The following NGFR variants were observed in gnomAD, a reference collection of about 807,000 sequenced individuals.
NGFR encodes the protein tumor necrosis factor receptor superfamily member 16.
In NGFR, 30 loss-of-function variants were observed where a neutral mutation model predicts 43.2. The ratio of observed to expected loss-of-function variants is 0.69; its 90% CI spans 0.52 to 0.94. NGFR has a LOEUF of 0.94. NGFR is among the 40% of genes least tolerant of loss of function. NGFR has a pLI of 0.00. For synonymous variants in NGFR, 246 were observed against 259.6 expected (o/e 0.95, Z 0.50); for missense variants, 529 against 602.5 (o/e 0.88, Z 1.28).
At chr17:49,510,236 C>A (rs2071222419) in intron 3 of NGFR, among the ~76,000 whole-genome samples, 176 bp from the exon 4 acceptor site, 1 of 152,228 alleles carries the variant, frequency 6.6e-6, no homozygotes, top group African/African-American at 2.4e-5. Flanking sequence ...TGTGGGCCCA[C>A]AGGCCTTGCT....
chr17:49,508,746 C>T (rs1409549780), intron 3 of NGFR, among the ~76,000 whole-genome samples: 1 of 152,164 alleles, frequency 6.6e-6, no homozygotes, highest in Non-Finnish European at 1.5e-5. Context: ...ATCTGGATCT[C>T]ATCCCCCCGC....
chr17:49,502,005 C>CCCCCA, intron 1 of NGFR, 58 bp from the exon 2 acceptor site: 1 of 457,876 alleles, frequency 2.2e-6, no homozygotes, highest in South Asian at 3.4e-5. Flanking sequence ...GAAGAACCCC[C>CCCCCA]CCCAACCCAC....
In NGFR at chr17:49,506,384, G is replaced by A. The variant is rs17854609; in HGVS notation, c.294G>A (p.Pro98=). ...ECVGLQSMSA[P]CVEADDAVCR... ...TGGGGCTCCAGAGCATGTCGGCGCCGTGCGTGGAGGCCGACGACGCCGTGT... is the reference window on the plus strand; with the variant it reads ...TGGGGCTCCAGAGCATGTCGGCGCCATGCGTGGAGGCCGACGACGCCGTGT... Residue 98 remains proline (P), a synonymous_variant, in exon 3 of 6, where the codon CCG becomes CCA. Coordinates refer to ENST00000172229, the MANE Select transcript of NGFR (RefSeq NM_002507.4). The A allele has an allele frequency of 1.2e-6, 2 of 1,601,994 alleles. No homozygotes were observed. Among genetic ancestry groups the A allele is most frequent in the Non-Finnish European group, 1.7e-6 (2 of 1,177,348 alleles).
Position 49,512,799 on chromosome 17 carries a change from C to G in NGFR, c.1074C>G (p.Thr358=), listed in dbSNP as rs2071242657. Residue 358 remains threonine (T), a synonymous_variant, in exon 6 of 6, where the codon ACC becomes ACG. Transcript: ENST00000172229. The surrounding 1 kb of genome is among the most constrained non-coding windows in gnomAD (Gnocchi z 5.2). ...EKLLNGSAGD[T]WRHLAGELGY... ...TTCTCAACGGCTCTGCGGGGGACACCTGGCGGCACCTGGCGGGCGAGCTGG... is the reference window on the plus strand; with the variant it reads ...TTCTCAACGGCTCTGCGGGGGACACGTGGCGGCACCTGGCGGGCGAGCTGG... 6.2e-7 allele frequency: 1 copy of G among 1,613,288 alleles called. No homozygotes were observed. The highest frequency in any genetic ancestry group is 8.5e-7 in the Non-Finnish European group (1 of 1,179,982).
At chr17:49,501,999 A>AGGGCCCCCCCCCCCCCCCCCCCCCCACC in intron 1 of NGFR, 64 bp from the exon 2 acceptor site, 1 of 330,984 alleles carries the variant, frequency 3.0e-6, no homozygotes, top group Non-Finnish European at 5.9e-6. Context: ...TCCCCGGAAG[A>AGGGCCCCCCCCCCCCCCCCCCCCCCACC]ACCCCCCCCA....
chr17:49,495,591 C>A lies in NGFR; in HGVS notation c.66+108C>A. ...GAACAGAGCATTGGGGTCCCAGATA[C>A]TGAGGGTGGGTGGTGGGAAAGGACC... On this transcript the variant is annotated intron_variant, in intron 1 of 5. Transcript: ENST00000172229. The surrounding 1 kb of genome is among the most constrained non-coding windows in gnomAD (Gnocchi z 6.4). The A allele has an allele frequency of 1.0e-6, 1 of 960,748 alleles. No homozygotes were observed. Among genetic ancestry groups the A allele is most frequent in the Non-Finnish European group, 1.4e-6 (1 of 738,056 alleles). 59.5% of individuals were successfully genotyped at this position (960,748 alleles called of 1,614,324 possible).
chr17:49,501,999 A>ACCCGCCCCCCCCCC, intron 1 of NGFR, 64 bp from the exon 2 acceptor site: 1 of 330,984 alleles, frequency 3.0e-6, no homozygotes. Context: ...TCCCCGGAAG[A>ACCCGCCCCCCCCCC]ACCCCCCCCA....
chr17:49,506,704 G>GGGGGGGCCGGGGC, intron 3 of NGFR, 46 bp downstream of exon 3: 1 of 737,234 alleles, frequency 1.4e-6, no homozygotes, highest in Non-Finnish European at 2.0e-6. Flanking sequence ...GCGGGGGTGG[G>GGGGGGGCCGGGGC]CTGGGGGCAT....
chr17:49,495,408 G>A lies in NGFR; in HGVS notation c.-10G>A. 2.4e-6 allele frequency: 3 copies of A among 1,234,410 alleles called. No homozygotes were observed. Among genetic ancestry groups the A allele is most frequent in the Non-Finnish European group, 3.0e-6 (3 of 988,202 alleles). The allele number at this position is 1,234,410 out of a possible 1,614,324, so 76.5% of individuals were successfully genotyped here. A position where few individuals can be genotyped will look rare whatever the true frequency, so the allele number is the denominator to read the frequency against. On this transcript the variant is annotated 5_prime_UTR_variant, in exon 1 of 6. Transcript: ENST00000172229. This position sits in a 1 kb window ranked among gnomAD's most constrained non-coding sequence, Gnocchi z 6.4. ...AGCTGGAAGTCGAGCGCTGCCGCGG[G>A]AGGCGGGCGATGGGGGCAGGTGCCA...
At position 49,511,885 on chromosome 17, in the gene NGFR, G is replaced by T. The variant is rs943494243; in HGVS notation, c.822-7G>T. ...CCCCTGAAACCTGGCCTGTCCTCTG[G>T]CTCCAGGTGGAACAGCTGCAAGCAG... On this transcript the variant is annotated splice_polypyrimidine_tract_variant and splice_region_variant and intron_variant, in intron 4 of 5. Transcript: ENST00000172229. 1 of 1,599,142 alleles carries T rather than the reference G, an allele frequency of 6.3e-7. No homozygotes were observed. Among genetic ancestry groups the T allele is most frequent in the Non-Finnish European group, 8.5e-7 (1 of 1,172,450 alleles).
rs368903963 is a variant in NGFR at position 49,501,844 on chromosome 17, A to T, written c.67-219A>T. Reference sequence around the variant, plus strand: ...CAGAAGGTCAGCAGCTGAAGCTCTGACCTCACACCCCCAGCAGCCTGCACG... The same window carrying T: ...CAGAAGGTCAGCAGCTGAAGCTCTGTCCTCACACCCCCAGCAGCCTGCACG... On this transcript the variant is annotated intron_variant, in intron 1 of 5. Coordinates refer to ENST00000172229, the MANE Select transcript of NGFR (RefSeq NM_002507.4). Among the ~76,000 whole-genome samples the T allele has an allele frequency of 3.9e-5, 6 of 151,970 alleles. No individual in the cohort carries two copies. The East Asian group carries it at 7.7e-4, about 20-fold the overall frequency.
chr17:49,502,824 C>A (rs528058359), intron 2 of NGFR, among the ~76,000 whole-genome samples: 1 of 119,358 alleles, frequency 8.4e-6, no homozygotes, highest in East Asian at 2.1e-4. Context: ...TTCTTCCTTC[C>A]TTCCTTCCTT....
chr17:49,512,685 ACTCTC>A lies in NGFR; in HGVS notation c.983-18_983-14del. 6.4e-7 allele frequency: 1 copy of A among 1,553,130 alleles called. No individual in the cohort carries two copies. The highest frequency in any genetic ancestry group is 8.7e-7 in the Non-Finnish European group (1 of 1,147,736). ...GAAAGGAGTTCAGGGGTAGGACCTG[ACTCTC>A]CTCTGGTTTCTCTGCAGCCCTCAAG... On this transcript the variant is annotated intron_variant, in intron 5 of 5. Coordinates refer to ENST00000172229, the MANE Select transcript of NGFR (RefSeq NM_002507.4). This position sits in a 1 kb window ranked among gnomAD's most constrained non-coding sequence, Gnocchi z 5.2.
intron 4 of NGFR, 134 bp from the exon 5 acceptor site, chr17:49,511,747 AAGAGGAGCCTT>A (rs2071233775): frequency 1.1e-6 from 1 of 942,152 alleles, no homozygotes; most frequent in South Asian, 2.1e-5. Context: ...CAGATGTGCA[AAGAGGAGCCTT>A]AGATGGTGGG....
rs1358230545 is a variant in NGFR at position 49,513,723 on chromosome 17, T to C, written c.*714T>C. ...GGTTTGCCTGAGGGCGAGGGGAGGG[T>C]GGCAGGTGACCTTCTGGGAAATGGC... On this transcript the variant is annotated 3_prime_UTR_variant, in exon 6 of 6. Transcript: ENST00000172229. 1 of 152,106 alleles carries C rather than the reference T, an allele frequency of 6.6e-6. No individual in the cohort carries two copies. Among genetic ancestry groups the C allele is most frequent in the Non-Finnish European group, 1.5e-5 (1 of 68,084 alleles). 9.4% of individuals were successfully genotyped at this position (152,106 alleles called of 1,614,324 possible). A position where few individuals can be genotyped will look rare whatever the true frequency, so the allele number is the denominator to read the frequency against.
chr17:49,501,999 A>AGCGGGCCC, intron 1 of NGFR, 64 bp from the exon 2 acceptor site: 1 of 330,984 alleles, frequency 3.0e-6, no homozygotes, highest in Middle Eastern at 5.6e-4. Context: ...TCCCCGGAAG[A>AGCGGGCCC]ACCCCCCCCA....
chr17:49,511,283 G>A (rs946835160), intron 4 of NGFR, among the ~76,000 whole-genome samples: 1 of 152,046 alleles, frequency 6.6e-6, no homozygotes, highest in Non-Finnish European at 1.5e-5. Context: ...ACTATTTTCT[G>A]TGTGTCTTTT....
At chr17:49,501,999 A>AGGGCGCCCCCCCCCCCCC in intron 1 of NGFR, 64 bp from the exon 2 acceptor site, 1 of 330,984 alleles carries the variant, frequency 3.0e-6, no homozygotes, top group Non-Finnish European at 5.9e-6. Context: ...TCCCCGGAAG[A>AGGGCGCCCCCCCCCCCCC]ACCCCCCCCA....
intron 4 of NGFR, chr17:49,511,262 G>A (rs1052981053): frequency 2.0e-5 from 3 of 153,556 alleles, no homozygotes; most frequent in Non-Finnish European, 4.3e-5. Context: ...GTTTGAAATG[G>A]ATCCTTCCCA....
Sources: allele counts gnomAD v4.1 joint callset (sites outside exome capture counted in the v4.1 genomes callset), GRCh38; gene constraint gnomAD v4.1.1; non-coding constraint Gnocchi (gnomAD v3.1); transcripts MANE v1.5; gene names NCBI Gene and HGNC (gene_info 2026-07-23, HGNC 2026-07-21).